SORCS1: variants seen among roughly 807,000 people sequenced by gnomAD.
The protein encoded by SORCS1 is sortilin related VPS10 domain containing receptor 1.
A neutral mutation model predicts 146.1 loss-of-function variants in SORCS1; 60 were observed. That is an observed-to-expected ratio of 0.41 (90% CI 0.33 to 0.51). The LOEUF is 0.51. Ranked by LOEUF, SORCS1 falls within the 20% of genes least tolerant of loss-of-function variation. The pLI is 0.21. For synonymous variants in SORCS1, 637 were observed against 584.0 expected (o/e 1.09, Z -1.31); for missense variants, 1,352 against 1,487.6 (o/e 0.91, Z 1.50).
chr10:106,832,772 C>T (rs1948609013), intron 2 of SORCS1, among the ~76,000 whole-genome samples: 1 of 151,888 alleles, frequency 6.6e-6, no homozygotes, highest in African/African-American at 2.4e-5. Flanking sequence ...ATCGGTAAGA[C>T]TACATGAGAG....
intron 1 of SORCS1, among the ~76,000 whole-genome samples, chr10:107,118,528 A>C (rs1565068274): frequency 6.6e-6 from 1 of 152,180 alleles, no homozygotes; most frequent in East Asian, 1.9e-4. Flanking sequence ...TCTAACATCC[A>C]ATGTCCTTTG....
chr10:106,711,679 A>C (rs1469619967), intron 6 of SORCS1, among the ~76,000 whole-genome samples: 1 of 152,198 alleles, frequency 6.6e-6, no homozygotes, highest in East Asian at 1.9e-4. Flanking sequence ...GTCCTGGTGA[A>C]GCCACCTCCA....
At chr10:106,655,013 C>A (rs945472247) in intron 17 of SORCS1, among the ~76,000 whole-genome samples, 1 of 152,080 alleles carries the variant, frequency 6.6e-6, no homozygotes, top group African/African-American at 2.4e-5. Flanking sequence ...TGTGCCACCA[C>A]GAATGGCTAA....
upstream of SORCS1, among the ~76,000 whole-genome samples, chr10:107,167,622 G>A (rs34687324): frequency 0.49 from 74,097 of 151,828 alleles, 19,270 homozygotes; most frequent in Middle Eastern, 0.62. Context: ...AAGTACAAGG[G>A]CACAAGCACA....
chr10:107,164,169 G>T lies in SORCS1; in HGVS notation c.358C>A (p.Arg120=). 1 of 1,612,418 alleles carries T rather than the reference G, an allele frequency of 6.2e-7. No individual in the cohort carries two copies. Among genetic ancestry groups the T allele is most frequent in the Non-Finnish European group, 8.5e-7 (1 of 1,179,974 alleles). The part of the protein sequence containing the change: ...RSGADQEKAE[R]GEGASRSPRG... ...GGGCTCCGACTCGCGCCCTCTCCCCGTTCTGCCTTCTCCTGATCCGCTCCG... is the reference window on the plus strand; with the variant it reads ...GGGCTCCGACTCGCGCCCTCTCCCCTTTCTGCCTTCTCCTGATCCGCTCCG... Residue 120 remains arginine (R), a synonymous_variant, in exon 1 of 26, where the codon CGG becomes AGG. Coordinates refer to ENST00000263054, the MANE Select transcript of SORCS1 (RefSeq NM_052918.5). This position sits in a 1 kb window ranked among gnomAD's most constrained non-coding sequence, Gnocchi z 6.8.
chr10:106,816,096 G>A (rs899226800), intron 3 of SORCS1, among the ~76,000 whole-genome samples: 2 of 152,162 alleles, frequency 1.3e-5, no homozygotes, highest in African/African-American at 2.4e-5. Flanking sequence ...ATTTGGGTTC[G>A]AATCCCATTA....
chr10:107,024,928 ATACTC>A (rs767164405), intron 1 of SORCS1, among the ~76,000 whole-genome samples: 3 of 152,328 alleles, frequency 2.0e-5, no homozygotes, highest in Non-Finnish European at 2.9e-5. Flanking sequence ...GGAGAAGACA[ATACTC>A]TATTTTGGAA....
Position 107,118,260 on chromosome 10 carries a change from T to C in SORCS1, c.558+45709A>G, listed in dbSNP as rs577921737. Among the ~76,000 whole-genome samples the C allele has an allele frequency of 9.5e-4, 145 of 152,316 alleles. 2 individuals carry two copies. Among genetic ancestry groups the C allele is most frequent in the Middle Eastern group, 3.4e-3 (1 of 294 alleles). Reference sequence around the variant, plus strand: ...ATGTGGGCTCTCGTCAGACACCAAATCCGTTGCTGCCTTGATCTTGGACTT... The same window carrying C: ...ATGTGGGCTCTCGTCAGACACCAAACCCGTTGCTGCCTTGATCTTGGACTT... On this transcript the variant is annotated intron_variant, in intron 1 of 25. Transcript: ENST00000263054.
intron 1 of SORCS1, among the ~76,000 whole-genome samples, chr10:106,981,437 C>G (rs1956242937): frequency 6.6e-6 from 1 of 152,128 alleles, no homozygotes; most frequent in Non-Finnish European, 1.5e-5. Context: ...GCGACATACA[C>G]CACTTCTAAT....
At chr10:106,853,373 G>A (rs1414025251) in intron 2 of SORCS1, among the ~76,000 whole-genome samples, 3 of 149,972 alleles carry the variant, frequency 2.0e-5, no homozygotes, top group Non-Finnish European at 3.0e-5. Context: ...TCTTAGCCTG[G>A]CTAGAGGCTT....
intron 1 of SORCS1, among the ~76,000 whole-genome samples, chr10:107,134,423 G>C (rs1043396359): frequency 2.6e-5 from 4 of 152,282 alleles, no homozygotes; most frequent in Non-Finnish European, 5.9e-5. Flanking sequence ...TGGATCACGA[G>C]GTCAGGAGAT....
At chr10:106,888,853 G>A (rs987922077) in intron 2 of SORCS1, among the ~76,000 whole-genome samples, 1 of 152,330 alleles carries the variant, frequency 6.6e-6, no homozygotes, top group South Asian at 2.1e-4. Flanking sequence ...CTGCAGGAAT[G>A]GAACGGAGTT....
intron 18 of SORCS1, among the ~76,000 whole-genome samples, chr10:106,645,016 A>G (rs1384815401): frequency 1.3e-5 from 2 of 151,922 alleles, no homozygotes; most frequent in Admixed American, 1.3e-4. Context: ...TAGGTGGTAT[A>G]CATGTTCAGC....
rs759477946 is a variant in SORCS1 at position 106,706,521 on chromosome 10, T to C, written c.1233+24A>G. ...CTGTGAATGAGAGTCAAGAGTGAAA[T>C]GAAGAAAGTGATTTAGGCCATACCT... On this transcript the variant is annotated intron_variant, in intron 8 of 25. Transcript: ENST00000263054. 8 of 1,610,296 alleles carry C rather than the reference T, an allele frequency of 5.0e-6. No individual in the cohort carries two copies. In the South Asian group the frequency reaches 8.8e-5, roughly 18 times the overall value.
At chr10:107,035,658 T>C (rs1958876857) in intron 1 of SORCS1, among the ~76,000 whole-genome samples, 1 of 152,156 alleles carries the variant, frequency 6.6e-6, no homozygotes, top group East Asian at 1.9e-4. Context: ...CTTTTCCTCT[T>C]CTAACTTGCT....
chr10:107,135,256 T>C (rs1377585598), intron 1 of SORCS1, among the ~76,000 whole-genome samples: 2 of 152,228 alleles, frequency 1.3e-5, no homozygotes, highest in Admixed American at 6.5e-5. Flanking sequence ...CTCTCCCCTA[T>C]TGAAATATGA....
intron 1 of SORCS1, among the ~76,000 whole-genome samples, chr10:107,027,646 C>CTGGA (rs954895901): frequency 5.2e-4 from 79 of 152,332 alleles, no homozygotes; most frequent in African/African-American, 1.9e-3. Context: ...AAACCACACT[C>CTGGA]TGGATCCAGC....
intron 18 of SORCS1, among the ~76,000 whole-genome samples, chr10:106,641,516 G>T (rs572475735): frequency 1.3e-5 from 2 of 152,256 alleles, no homozygotes; most frequent in South Asian, 4.1e-4. Context: ...AAGGATTAAG[G>T]AAGAGATTTA....
intron 1 of SORCS1, among the ~76,000 whole-genome samples, chr10:107,118,611 C>T (rs1038515326): frequency 2.0e-5 from 3 of 152,112 alleles, no homozygotes; most frequent in Non-Finnish European, 4.4e-5. Context: ...AAAGGATAAA[C>T]AGACCGATGG....
Sources: gnomAD v4.1 joint callset for allele counts (sites outside exome capture counted in the v4.1 genomes callset) on GRCh38, gnomAD v4.1.1 for gene constraint, Gnocchi (gnomAD v3.1) non-coding constraint, MANE v1.5 for transcripts, NCBI Gene and HGNC (gene_info 2026-07-23, HGNC 2026-07-21) for gene names.